The following ATP13A5 variants were observed in gnomAD, a reference collection of about 807,000 sequenced individuals.
The protein encoded by ATP13A5 is ATPase 13A5, also known as probable cation-transporting ATPase 13A5.
A neutral mutation model predicts 150.2 loss-of-function variants in ATP13A5; 149 were observed. The observed-to-expected ratio is 0.99, with a 90% CI of 0.87 to 1.14. The LOEUF is 1.14. Ranked by LOEUF, ATP13A5 falls within the 50% of genes most tolerant of loss-of-function variation. The pLI is 0.00. For missense variants in ATP13A5, 1,383 were observed against 1,449.3 expected (o/e 0.95, Z 0.74); for synonymous variants, 497 against 522.2 (o/e 0.95, Z 0.66).
At chr3:193,310,118 T>A (rs1438038379) in intron 21 of ATP13A5, among the ~76,000 whole-genome samples, 1 of 152,198 alleles carries the variant, frequency 6.6e-6, no homozygotes, top group East Asian at 1.9e-4. Context: ...GAGAACACAG[T>A]ATTTGATTTT....
chr3:193,362,350 G>T, intron 5 of ATP13A5, 31 bp downstream of exon 5: 1 of 1,579,996 alleles, frequency 6.3e-7, no homozygotes, highest in Non-Finnish European at 8.7e-7. Flanking sequence ...TGCTGGCAGA[G>T]TTTACTCTTA....
intron 3 of ATP13A5, among the ~76,000 whole-genome samples, chr3:193,363,021 C>T (rs879842550): frequency 5.9e-5 from 9 of 152,092 alleles, no homozygotes; most frequent in Non-Finnish European, 8.8e-5. Flanking sequence ...AGGCTGGTCT[C>T]AAACTCCTGG....
At chr3:193,305,473 C>T in intron 23 of ATP13A5, 86 bp downstream of exon 23, 2 of 1,065,458 alleles carry the variant, frequency 1.9e-6, no homozygotes, top group Middle Eastern at 2.0e-4. Context: ...CAGCATTTAT[C>T]ACTTTAGCTT....
rs543631074 is a variant in ATP13A5 at position 193,352,033 on chromosome 3, T to C, written c.607-832A>G. ...GCCCATCAGAGCAAAGCAAGGATTATTTTTCTGAGAAAGTGTTCTTTCTAA... is the reference window on the plus strand; with the variant it reads ...GCCCATCAGAGCAAAGCAAGGATTACTTTTCTGAGAAAGTGTTCTTTCTAA... On this transcript the variant is annotated intron_variant, in intron 6 of 29. Coordinates refer to ENST00000342358, the MANE Select transcript of ATP13A5 (RefSeq NM_198505.4). 6.1e-4 allele frequency among the ~76,000 whole-genome samples: 93 copies of C among 152,332 alleles called. 2 individuals carry two copies. Among genetic ancestry groups the C allele is most frequent in the African/African-American group, 2.0e-3 (85 of 41,582 alleles).
At chr3:193,349,934 C>T (rs375319004) in intron 7 of ATP13A5, among the ~76,000 whole-genome samples, 2 of 152,066 alleles carry the variant, frequency 1.3e-5, no homozygotes, top group Non-Finnish European at 2.9e-5. Flanking sequence ...TGTAAGAACA[C>T]GCCCATACTG....
rs749400403 is a variant in ATP13A5, at chr3:193,333,751, C to T, written c.1271G>A (p.Gly424Glu). The T allele has an allele frequency of 6.2e-7, 1 of 1,613,102 alleles. No homozygotes were observed. The highest frequency in any genetic ancestry group is 1.1e-5 in the South Asian group (1 of 90,954). ...AAAAGCCTTACCCCCAGTACTTACT[C>T]CATGGTACATATATACCCCTAGGGC... is the stretch of plus-strand genomic sequence containing the variant. ...FYALGVYMYHGVPPKDTVTMA... is the reference protein window; with the variant it reads ...FYALGVYMYHEVPPKDTVTMA... The change falls in exon 11 of 30, where the codon GGA becomes GAA. Residue 424 changes from glycine to glutamate, a missense_variant and splice_region_variant. Physicochemically the swap from Gly to Glu is moderately conservative, Grantham distance 98. Transcript: ENST00000342358.
At chr3:193,366,734 T>G (rs2108582461) in intron 1 of ATP13A5, among the ~76,000 whole-genome samples, 1 of 152,182 alleles carries the variant, frequency 6.6e-6, no homozygotes, top group East Asian at 1.9e-4. Flanking sequence ...ACACCTCCAC[T>G]AGCTACATTG....
intron 2 of ATP13A5, among the ~76,000 whole-genome samples, 191 bp from the exon 3 acceptor site, chr3:193,363,573 A>G (rs746322068): frequency 6.6e-6 from 1 of 152,210 alleles, no homozygotes; most frequent in Admixed American, 6.5e-5. Flanking sequence ...GGGTGGGGCC[A>G]GCATCCTTGT....
At chr3:193,299,259 A>G (rs373087238) in intron 24 of ATP13A5, 56 bp from the exon 25 acceptor site, 6 of 1,381,716 alleles carry the variant, frequency 4.3e-6, no homozygotes, top group Middle Eastern at 1.8e-4. Context: ...TAGCCTATTT[A>G]TTATTCCCTA....
At chr3:193,346,409 C>T (rs1024864220) in intron 7 of ATP13A5, among the ~76,000 whole-genome samples, 3 of 152,076 alleles carry the variant, frequency 2.0e-5, no homozygotes, top group Non-Finnish European at 4.4e-5. Context: ...TGATTTCATC[C>T]ATACAGTTCC....
intron 6 of ATP13A5, among the ~76,000 whole-genome samples, chr3:193,353,616 T>C (rs1024842766): frequency 1.3e-5 from 2 of 151,946 alleles, no homozygotes; most frequent in Non-Finnish European, 2.9e-5. Flanking sequence ...GTCATGAAGG[T>C]AGAGATCCCA....
intron 12 of ATP13A5, among the ~76,000 whole-genome samples, chr3:193,328,974 C>T (rs1401301190): frequency 2.6e-5 from 4 of 152,134 alleles, no homozygotes; most frequent in East Asian, 1.9e-4. Context: ...GGGCCGGGCA[C>T]GGTGGCTCAC....
In ATP13A5 at chr3:193,363,247, G is replaced by A; in HGVS notation, c.373C>T (p.Pro125Ser). Residue 125 changes from proline (P) to serine (S), a missense_variant, in exon 3 of 30, where the codon CCA becomes TCA. Pro to Ser is a moderately conservative substitution (Grantham distance 74). This residue lies in a region of ATP13A5 where 787 missense variants were observed against 771.9 expected (regional missense o/e 1.02). Transcript: ENST00000342358. ...HSVINQALIK[P>S]ELKLRCMEVQ... ...TTCAAGTAACTTACTTTTAATTCTG[G>A]CTTTATTAAGGCTTGGTTTATGACA... is the stretch of plus-strand genomic sequence containing the variant. The A allele has an allele frequency of 1.9e-6, 3 of 1,612,484 alleles. No individual in the cohort carries two copies. Among genetic ancestry groups the A allele is most frequent in the Non-Finnish European group, 2.5e-6 (3 of 1,179,268 alleles).
chr3:193,281,284 C>CT (rs1717483073), intron 27 of ATP13A5: 1 of 806,772 alleles, frequency 1.2e-6, no homozygotes, highest in South Asian at 5.6e-5. Context: ...GCAACTGGGG[C>CT]TGAGTGGGGT....
chr3:193,320,764 T>C (rs1015793286), intron 16 of ATP13A5, among the ~76,000 whole-genome samples: 1 of 152,180 alleles, frequency 6.6e-6, no homozygotes, highest in African/African-American at 2.4e-5. Flanking sequence ...AAAAGACCAA[T>C]TTTATCCAAA....
intron 12 of ATP13A5, among the ~76,000 whole-genome samples, chr3:193,329,177 G>A (rs892367955): frequency 2.6e-5 from 4 of 152,012 alleles, no homozygotes; most frequent in African/African-American, 9.7e-5. Flanking sequence ...GGATGCGGAG[G>A]CTGTAGTGAG....
chr3:193,317,135 C>T (rs1298600438), intron 17 of ATP13A5, among the ~76,000 whole-genome samples: 3 of 152,182 alleles, frequency 2.0e-5, no homozygotes. Flanking sequence ...AGCTTTTGTA[C>T]CCACCATTTC....
chr3:193,290,493 C>T (rs1717907614), intron 25 of ATP13A5, among the ~76,000 whole-genome samples: 1 of 151,938 alleles, frequency 6.6e-6, no homozygotes, highest in South Asian at 2.1e-4. Flanking sequence ...TCTTCATATG[C>T]TGGATAATTT....
rs1277450406 is a variant in ATP13A5, at chr3:193,378,748, T to C, written c.-23A>G. On this transcript the variant is annotated 5_prime_UTR_variant, in exon 1 of 30. Coordinates refer to ENST00000342358, the MANE Select transcript of ATP13A5 (RefSeq NM_198505.4). Reference sequence around the variant, plus strand: ...CATCTGAACTCAACCGGCGAGGATCTCTTCTGGCTAACTCCTTGGAGAAAT... The same window carrying C: ...CATCTGAACTCAACCGGCGAGGATCCCTTCTGGCTAACTCCTTGGAGAAAT... 1 of 1,605,836 alleles carries C rather than the reference T, an allele frequency of 6.2e-7. No homozygotes were observed. Among genetic ancestry groups the C allele is most frequent in the Non-Finnish European group, 8.5e-7 (1 of 1,173,400 alleles).
Sources: gnomAD v4.1 joint callset for allele counts (sites outside exome capture counted in the v4.1 genomes callset) on GRCh38, gnomAD v4.1.1 for gene constraint, gnomAD v4.1.1 regional missense constraint, MANE v1.5 for transcripts, NCBI Gene and HGNC (gene_info 2026-07-23, HGNC 2026-07-21) for gene names.